JMJD1C: variants seen among roughly 807,000 people sequenced by gnomAD.
JMJD1C encodes jumonji domain-containing protein 1C.
JMJD1C carries 31 observed loss-of-function variants against 245.3 expected under a neutral mutation model. The ratio of observed to expected loss-of-function variants is 0.13; its 90% CI spans 0.09 to 0.17. JMJD1C has a LOEUF of 0.17. JMJD1C is among the 10% of genes least tolerant of loss of function. JMJD1C has a pLI of 1.00. For synonymous variants in JMJD1C, 1,057 were observed against 1,017.4 expected (o/e 1.04, Z -0.74); for missense variants, 2,691 against 3,000.2 (o/e 0.90, Z 2.41).
intron 1 of JMJD1C, among the ~76,000 whole-genome samples, chr10:63,445,708 T>C (rs1951673147): frequency 6.6e-6 from 1 of 152,150 alleles, no homozygotes; most frequent in East Asian, 1.9e-4. Context: ...AAGAACTAGT[T>C]AGGAGGCAGT....
chr10:63,472,667 T>G (rs1355544999), intron 1 of JMJD1C, among the ~76,000 whole-genome samples: 1 of 152,116 alleles, frequency 6.6e-6, no homozygotes, highest in African/African-American at 2.4e-5. Context: ...GTTTTAAAAT[T>G]TCATATATAG....
At position 63,521,684 on chromosome 10, in the gene JMJD1C, G is replaced by C. The variant is rs1231702507; in HGVS notation, n.113+54C>G. 3.3e-5 allele frequency: 26 copies of C among 792,204 alleles called. No homozygotes were observed. In the East Asian group the frequency reaches 9.4e-4, roughly 29 times the overall value. 49.1% of individuals were successfully genotyped at this position (792,204 alleles called of 1,614,324 possible). On this transcript the variant is annotated intron_variant and non_coding_transcript_variant, in intron 1 of 3. Transcript: ENST00000633035. Reference sequence around the variant, plus strand: ...AAGGCCTGGGCCTGGGCGGGGACGGGGTAGCCCGGCCTCGGGCCTGCCGAG... The same window carrying C: ...AAGGCCTGGGCCTGGGCGGGGACGGCGTAGCCCGGCCTCGGGCCTGCCGAG...
Position 63,207,343 on chromosome 10 carries a change from C to T in JMJD1C, c.4326G>A (p.Val1442=). The T allele has an allele frequency of 6.2e-7, 1 of 1,613,692 alleles. No individual in the cohort carries two copies. Among genetic ancestry groups the T allele is most frequent in the Non-Finnish European group, 8.5e-7 (1 of 1,179,984 alleles). ...CVSSKSVSQP[V]AQKQECKVST... The stretch of plus-strand genomic sequence containing the variant: ...TGACCTTGCATTCTTGTTTTTGAGC[C>T]ACTGGCTGACTGACACTTTTTGAAG... The change falls in exon 10 of 26, where the codon GTG becomes GTA. Residue 1442 remains valine (V), a synonymous_variant. Transcript: ENST00000399262.
intron 2 of JMJD1C, among the ~76,000 whole-genome samples, chr10:63,276,237 C>A (rs1044774695): frequency 6.6e-6 from 1 of 151,860 alleles, no homozygotes; most frequent in African/African-American, 2.4e-5. Context: ...GAGGCCGAGG[C>A]GGGCAGATCA....
chr10:63,297,116 C>T (rs576090118), intron 2 of JMJD1C, among the ~76,000 whole-genome samples: 3 of 152,274 alleles, frequency 2.0e-5, no homozygotes, highest in South Asian at 2.1e-4. Context: ...GTGTCGACAG[C>T]GAAGTGTTTA....
chr10:63,464,985 G>A (rs1953093687), intron 1 of JMJD1C, among the ~76,000 whole-genome samples: 1 of 152,190 alleles, frequency 6.6e-6, no homozygotes, highest in Admixed American at 6.5e-5. Context: ...AGGAATCCCC[G>A]GACTGTGTGG....
At chr10:63,514,949 A>AT (rs200646231) in intron 1 of JMJD1C, among the ~76,000 whole-genome samples, 20,720 of 148,614 alleles carry the variant, frequency 0.14, 1,987 homozygotes, top group East Asian at 0.29. Flanking sequence ...AATACTAAGT[A>AT]TTTTTTTTTT....
At chr10:63,275,623 G>A (rs931209964) in intron 2 of JMJD1C, among the ~76,000 whole-genome samples, 10 of 152,018 alleles carry the variant, frequency 6.6e-5, no homozygotes, top group African/African-American at 2.4e-4. Flanking sequence ...TTTTACTATG[G>A]AAAATATGAA....
chr10:63,235,443 G>A (rs1850620759), intron 3 of JMJD1C, among the ~76,000 whole-genome samples: 1 of 152,184 alleles, frequency 6.6e-6, no homozygotes. Context: ...GTTGCAGTGA[G>A]CCGAGGTTGT....
At chr10:63,216,372 T>C (rs774996800) in intron 5 of JMJD1C, among the ~76,000 whole-genome samples, 2 of 151,114 alleles carry the variant, frequency 1.3e-5, no homozygotes, top group Non-Finnish European at 2.9e-5. Context: ...TTGTATTAAG[T>C]TAAAAAAAAA....
At chr10:63,317,087 T>C (rs1288058977) in intron 2 of JMJD1C, among the ~76,000 whole-genome samples, 1 of 152,136 alleles carries the variant, frequency 6.6e-6, no homozygotes, top group Non-Finnish European at 1.5e-5. Context: ...TTTGAATTCC[T>C]GACCTCAAGT....
At chr10:63,327,499 C>T (rs1416170527) in intron 2 of JMJD1C, among the ~76,000 whole-genome samples, 1 of 152,092 alleles carries the variant, frequency 6.6e-6, no homozygotes, top group African/African-American at 2.4e-5. Context: ...TAGATATACA[C>T]CTTCCAGTTA....
At chr10:63,363,817 G>A (rs1356930230) in intron 2 of JMJD1C, among the ~76,000 whole-genome samples, 1 of 150,792 alleles carries the variant, frequency 6.6e-6, no homozygotes, top group African/African-American at 2.4e-5. Flanking sequence ...CTCCCGGGTA[G>A]CTGGGACTAT....
chr10:63,443,704 G>GTCACTCC (rs1024712374), intron 1 of JMJD1C, among the ~76,000 whole-genome samples: 1 of 152,180 alleles, frequency 6.6e-6, no homozygotes, highest in African/African-American at 2.4e-5. Flanking sequence ...TCTATCTCCA[G>GTCACTCC]TCACTCCCCA....
chr10:63,318,640 C>T (rs1423709278), intron 2 of JMJD1C, among the ~76,000 whole-genome samples: 4 of 151,764 alleles, frequency 2.6e-5, no homozygotes, highest in Non-Finnish European at 4.4e-5. Context: ...ATTCCTGGGA[C>T]ATCAATACTT....
rs754194693 is a variant in JMJD1C, at chr10:63,198,604, C to A, written c.5400G>T (p.Glu1800Asp). The A allele has an allele frequency of 2.5e-6, 4 of 1,604,320 alleles. No individual in the cohort carries two copies. In the East Asian group the frequency reaches 9.0e-5, roughly 36 times the overall value. ...ENFEDDELDI[E>D]TSKYILDIIG... ...TTATATCCAAGATATATTTAGAAGT[C>A]TCTATATCTAGTTCATCATCTTCAA... Residue 1800 changes from glutamate to aspartate, a missense_variant, in exon 12 of 26, where the codon GAG (glutamate) becomes GAT (aspartate). This residue lies in a region of JMJD1C where 139 missense variants were observed against 270.5 expected (regional missense o/e 0.51). Transcript: ENST00000399262.
At chr10:63,180,868 A>C (rs1043602788) in intron 22 of JMJD1C, among the ~76,000 whole-genome samples, 1 of 150,142 alleles carries the variant, frequency 6.7e-6, no homozygotes, top group Non-Finnish European at 1.5e-5. Flanking sequence ...TCCCGGGTTC[A>C]CGCCATTCTC....
intron 2 of JMJD1C, among the ~76,000 whole-genome samples, chr10:63,292,247 C>T (rs966014079): frequency 3.5e-5 from 5 of 142,324 alleles, no homozygotes; most frequent in African/African-American, 5.3e-5. Flanking sequence ...ATGTGAGCCA[C>T]TATGCTGGGC....
At chr10:63,205,580 T>C (rs545889744) in intron 10 of JMJD1C, among the ~76,000 whole-genome samples, 1 of 152,164 alleles carries the variant, frequency 6.6e-6, no homozygotes, top group Admixed American at 6.5e-5. Flanking sequence ...TTAAAGTATA[T>C]GGGAGGATGT....
Sources: gnomAD v4.1 joint callset for allele counts (sites outside exome capture counted in the v4.1 genomes callset) on GRCh38, gnomAD v4.1.1 for gene constraint, gnomAD v4.1.1 regional missense constraint, MANE v1.5 for transcripts, NCBI Gene and HGNC (gene_info 2026-07-23, HGNC 2026-07-21) for gene names.